The following UNC79 variants were observed in gnomAD, a reference collection of about 807,000 sequenced individuals.
The protein encoded by UNC79 is unc-79 subunit of NALCN channel complex, also known as protein unc-79 homolog.
In UNC79, 37 loss-of-function variants were observed where a neutral mutation model predicts 283.1. The ratio of observed to expected loss-of-function variants is 0.13; its 90% CI spans 0.10 to 0.17. The LOEUF (loss-of-function observed/expected upper bound fraction) is 0.17, where lower values mean the gene tolerates loss of function less well. Ranked by LOEUF, UNC79 falls within the 10% of genes least tolerant of loss-of-function variation. UNC79 has a pLI of 1.00. For missense variants in UNC79, 2,272 were observed against 3,211.1 expected (o/e 0.71, Z 7.07); for synonymous variants, 1,107 against 1,200.2 (o/e 0.92, Z 1.61).
chr14:93,394,418 T>G (rs528660134), intron 1 of UNC79, among the ~76,000 whole-genome samples: 1 of 141,210 alleles, frequency 7.1e-6, no homozygotes, highest in South Asian at 2.2e-4. Flanking sequence ...TTTATCTTAT[T>G]TATTTTTTTT....
At chr14:93,623,790 G>A (rs1336907726) in intron 30 of UNC79, among the ~76,000 whole-genome samples, 6 of 152,218 alleles carry the variant, frequency 3.9e-5, no homozygotes, top group Admixed American at 6.5e-5. Context: ...CTACTCAGGA[G>A]GCTGAGGCAG....
chr14:93,563,996 A>C (rs2141475218), intron 14 of UNC79, among the ~76,000 whole-genome samples: 1 of 152,346 alleles, frequency 6.6e-6, no homozygotes, highest in South Asian at 2.1e-4. Context: ...TGAAAGTATT[A>C]GGGCAGTGGC....
chr14:93,497,017 A>C, intron 6 of UNC79, 140 bp from the exon 7 acceptor site: 1 of 865,912 alleles, frequency 1.2e-6, no homozygotes, highest in Non-Finnish European at 1.7e-6. Flanking sequence ...AATCTATGAA[A>C]CATGTCTGCA....
chr14:93,695,027 A>G (rs980770296), intron 47 of UNC79, among the ~76,000 whole-genome samples: 4 of 152,186 alleles, frequency 2.6e-5, no homozygotes, highest in African/African-American at 9.7e-5. Context: ...CCCTCCTCTC[A>G]TCAGAAACAG....
At chr14:93,394,357 T>TTTTATTTTATTTTATTTTAC (rs1461230785) in intron 1 of UNC79, among the ~76,000 whole-genome samples, 35 of 77,260 alleles carry the variant, frequency 4.5e-4, no homozygotes, top group African/African-American at 2.5e-3. Context: ...TTGTCTTTTA[T>TTTTATTTTATTTTATTTTAC]TTTATTTTAT....
chr14:93,408,394 T>G (rs1213484621), intron 1 of UNC79, among the ~76,000 whole-genome samples: 1 of 152,188 alleles, frequency 6.6e-6, no homozygotes, highest in Non-Finnish European at 1.5e-5. Flanking sequence ...GGACTTTAGT[T>G]AATAATACCA....
At chr14:93,687,880 G>A (rs1049181079) in intron 43 of UNC79, among the ~76,000 whole-genome samples, 1 of 152,110 alleles carries the variant, frequency 6.6e-6, no homozygotes, top group African/African-American at 2.4e-5. Context: ...ATCATCAAAA[G>A]GTTGGAAATA....
At chr14:93,661,715 C>T (rs866377695) in intron 39 of UNC79, among the ~76,000 whole-genome samples, 8 of 152,196 alleles carry the variant, frequency 5.3e-5, no homozygotes, top group African/African-American at 1.2e-4. Flanking sequence ...GGAGAGCTTA[C>T]TGGTGCCAAG....
intron 2 of UNC79, among the ~76,000 whole-genome samples, chr14:93,470,553 G>GA: frequency 6.6e-6 from 1 of 152,180 alleles, no homozygotes; most frequent in East Asian, 1.9e-4. Context: ...TTAACCCAGA[G>GA]AAGGGGATCA....
At chr14:93,594,274 TTG>T in intron 23 of UNC79, among the ~76,000 whole-genome samples, 1 of 152,046 alleles carries the variant, frequency 6.6e-6, no homozygotes, top group Non-Finnish European at 1.5e-5. Flanking sequence ...TTGAGGTTTT[TTG>T]TGTTTTTTTT....
At chr14:93,511,881 A>C (rs2140869492) in intron 7 of UNC79, among the ~76,000 whole-genome samples, 1 of 152,176 alleles carries the variant, frequency 6.6e-6, no homozygotes, top group South Asian at 2.1e-4. Context: ...TACTTTCTTG[A>C]ATTTAATTTT....
At chr14:93,593,790 T>C (rs2064861631) in exon 23 of UNC79, 1 of 1,613,898 alleles carries the variant, frequency 6.2e-7, no homozygotes, top group African/African-American at 1.3e-5. Flanking sequence ...TGGACAATCA[T>C]AAATGGCAAT....
intron 1 of UNC79, among the ~76,000 whole-genome samples, chr14:93,345,192 A>G (rs75947866): frequency 0.074 from 11,207 of 152,244 alleles, 870 homozygotes; most frequent in African/African-American, 0.19. Flanking sequence ...TGGACATCAA[A>G]TCTACCAGCA....
chr14:93,455,912 TTGTGTGTGTGTGTG>T (rs10654684), intron 1 of UNC79, among the ~76,000 whole-genome samples: 3 of 144,224 alleles, frequency 2.1e-5, no homozygotes, highest in East Asian at 2.0e-4. Flanking sequence ...GTACAATGGA[TTGTGTGTGTGTGTG>T]TGTGTGTGTG....
chr14:93,554,176 C>T (rs2062037444), intron 14 of UNC79, among the ~76,000 whole-genome samples: 1 of 152,018 alleles, frequency 6.6e-6, no homozygotes, highest in Non-Finnish European at 1.5e-5. Context: ...AGTGTAACCC[C>T]ATCTCCACTA....
chr14:93,510,093 A>G (rs538871856), intron 7 of UNC79, among the ~76,000 whole-genome samples: 1 of 152,338 alleles, frequency 6.6e-6, no homozygotes, highest in East Asian at 1.9e-4. Flanking sequence ...TCTCTGGAGC[A>G]GTGGTCTGAG....
intron 1 of UNC79, among the ~76,000 whole-genome samples, chr14:93,404,493 A>AAATATATAT: frequency 3.3e-5 from 2 of 61,498 alleles, no homozygotes; most frequent in Non-Finnish European, 6.4e-5. Context: ...TTCTAAAAAA[A>AAATATATAT]ATATATATAT....
Position 93,575,217 on chromosome 14 carries a change from GTTC to G in UNC79, c.2211+22_2211+24del. The G allele has an allele frequency of 6.2e-7, 1 of 1,612,938 alleles. No homozygotes were observed. Among genetic ancestry groups the G allele is most frequent in the East Asian group, 2.2e-5 (1 of 44,828 alleles). ...TCGAAGGGTAATTATTGCCACATTTGTTCTTGTCTTGCTTTTAAAAATCTTGAA... is the reference window on the plus strand; with the variant it reads ...TCGAAGGGTAATTATTGCCACATTTGTTGTCTTGCTTTTAAAAATCTTGAA... On this transcript the variant is annotated intron_variant, in intron 17 of 48. Coordinates refer to ENST00000555664, the Ensembl canonical transcript of UNC79.
At chr14:93,361,818 T>C (rs777497528) in intron 1 of UNC79, among the ~76,000 whole-genome samples, 19 of 152,328 alleles carry the variant, frequency 1.2e-4, no homozygotes, top group Non-Finnish European at 2.1e-4. Context: ...AGTGTGATGA[T>C]GGCTGTAGGT....
Sources: allele counts gnomAD v4.1 joint callset (sites outside exome capture counted in the v4.1 genomes callset), GRCh38; gene constraint gnomAD v4.1.1; transcripts MANE v1.5; gene names NCBI Gene and HGNC (gene_info 2026-07-23, HGNC 2026-07-21).